TET1: variants seen among roughly 807,000 people sequenced by gnomAD.
TET1 encodes the protein tet methylcytosine dioxygenase 1.
In TET1, 13 loss-of-function variants were observed where a neutral mutation model predicts 148.7. The ratio of observed to expected loss-of-function variants is 0.09; its 90% CI spans 0.06 to 0.14. TET1 has a LOEUF of 0.14. Among genes scored for constraint, TET1 ranks in the 10% least tolerant of loss-of-function variants. The pLI, the probability that TET1 is intolerant of heterozygous loss-of-function variation, is 1.00. For synonymous variants in TET1, 907 were observed against 937.2 expected (o/e 0.97, Z 0.59); for missense variants, 2,182 against 2,553.8 (o/e 0.85, Z 3.14).
At position 68,645,087 on chromosome 10, in the gene TET1, G is replaced by A. The variant is rs1472082373; in HGVS notation, c.2358G>A (p.Leu786=). Residue 786 remains leucine (L), a synonymous_variant, in exon 4 of 12, where the codon TTG becomes TTA. Coordinates refer to ENST00000373644, the MANE Select transcript of TET1 (RefSeq NM_030625.3). ...KFNIEEFGKT[L]ENNSYKFLKD... ...ATATTGAAGAATTCGGCAAGACATT[G>A]GAAAACAATTCTTATAAATTCCTAA... is the stretch of plus-strand genomic sequence containing the variant. 1.9e-6 allele frequency: 3 copies of A among 1,611,790 alleles called. No individual in the cohort carries two copies. The highest frequency in any genetic ancestry group is 1.7e-6 in the Non-Finnish European group (2 of 1,179,348).
chr10:68,628,177 T>TGTTA (rs1212256107), intron 3 of TET1, among the ~76,000 whole-genome samples: 1 of 152,094 alleles, frequency 6.6e-6, no homozygotes, highest in African/African-American at 2.4e-5. Flanking sequence ...CAACTCCTGA[T>TGTTA]GTTAGGTGAT....
At chr10:68,682,785 A>G (rs1317681993) in intron 9 of TET1, 51 bp from the exon 10 acceptor site, 6 of 1,560,864 alleles carry the variant, frequency 3.8e-6, no homozygotes, top group Admixed American at 2.1e-5. Context: ...TACTGAAGGT[A>G]GGTGATTTCC....
chr10:68,691,491 A>G lies in TET1; in HGVS notation c.6088A>G (p.Thr2030Ala). ...GTGTGCCCGGCGAGAGCTGCACGCT[A>G]CCACTCCTGTTGAGCACCCCAACCG... ...IECARRELHA[T>A]TPVEHPNRNH... The change falls in exon 12 of 12, where the codon ACC becomes GCC. Residue 2030 changes from threonine (T) to alanine (A), a missense_variant. Thr to Ala is a moderately conservative substitution (Grantham distance 58, BLOSUM62 0). Coordinates refer to ENST00000373644, the MANE Select transcript of TET1 (RefSeq NM_030625.3). The surrounding 1 kb of genome is among the most constrained non-coding windows in gnomAD (Gnocchi z 4.4). 1 of 1,613,948 alleles carries G rather than the reference A, an allele frequency of 6.2e-7. No individual in the cohort carries two copies. The highest frequency in any genetic ancestry group is 8.5e-7 in the Non-Finnish European group (1 of 1,179,978).
In TET1 at chr10:68,654,562, G is replaced by A. The variant is rs370469743; in HGVS notation, c.4461+1968G>A. Among the ~76,000 whole-genome samples, 126 of 152,086 alleles carry A rather than the reference G, an allele frequency of 8.3e-4. 2 individuals are homozygous for A. In the South Asian group the frequency reaches 0.012, roughly 15 times the overall value. The stretch of plus-strand genomic sequence containing the variant: ...AACCCCCGAGGTGGAGGTTGCAGTG[G>A]GCCTAGATCGTGCCTCTGCACTCCA... On this transcript the variant is annotated intron_variant, in intron 6 of 11. Transcript: ENST00000373644.
At chr10:68,624,127 C>A (rs1486610749) in intron 3 of TET1, among the ~76,000 whole-genome samples, 3 of 144,402 alleles carry the variant, frequency 2.1e-5, no homozygotes, top group African/African-American at 7.6e-5. Context: ...AATGGAGTCT[C>A]GATCTGTTGC....
intron 3 of TET1, among the ~76,000 whole-genome samples, chr10:68,626,589 T>G (rs1476719410): frequency 1.3e-5 from 2 of 152,066 alleles, no homozygotes; most frequent in African/African-American, 4.8e-5. Flanking sequence ...TCTCACTCTG[T>G]CACCAGGCTG....
At position 68,646,976 on chromosome 10, in the gene TET1, A is replaced by G; in HGVS notation, c.4247A>G (p.Asp1416Gly). Reference sequence around the variant, plus strand: ...AAAAACCTAGTGTCTATAACTAAAGATTCTGAACTGCCCACCTGCAGCTGT... The same window carrying G: ...AAAAACCTAGTGTCTATAACTAAAGGTTCTGAACTGCCCACCTGCAGCTGT... ...PTKNLVSITK[D>G]SELPTCSCLD... Residue 1416 changes from aspartate (D) to glycine (G), a missense_variant, in exon 4 of 12, where the codon GAT becomes GGT. Asp to Gly is a moderately conservative substitution (Grantham distance 94, BLOSUM62 -1). This residue lies in a region of TET1 where 169 missense variants were observed against 263.7 expected (regional missense o/e 0.64). Transcript: ENST00000373644. The G allele has an allele frequency of 6.2e-7, 1 of 1,613,342 alleles. No individual in the cohort carries two copies. Among genetic ancestry groups the G allele is most frequent in the Non-Finnish European group, 8.5e-7 (1 of 1,179,648 alleles).
intron 6 of TET1, among the ~76,000 whole-genome samples, chr10:68,661,021 T>TTTTTTG (rs1251851027): frequency 8.6e-5 from 13 of 151,164 alleles, no homozygotes; most frequent in South Asian, 2.1e-4. Flanking sequence ...ATATTAGTTG[T>TTTTTTG]TTTTTGTTTT....
intron 3 of TET1, among the ~76,000 whole-genome samples, chr10:68,624,726 CTTCTTTCTTTCTTTCT>C (rs1230724828): frequency 8.6e-6 from 1 of 116,120 alleles, no homozygotes; most frequent in Non-Finnish European, 1.8e-5. Context: ...TCTTTCTTTC[CTTCTTTCTTTCTTTCT>C]TTTTTTTGAG....
Position 68,686,363 on chromosome 10 carries a change from C to G in TET1, c.5060C>G (p.Thr1687Ser), listed in dbSNP as rs760480014. The G allele has an allele frequency of 6.1e-5, 98 of 1,602,738 alleles. No homozygotes were observed. Among genetic ancestry groups the G allele is most frequent in the Non-Finnish European group, 8.0e-5 (94 of 1,173,378 alleles). The part of the protein sequence containing the change: ...NMNNGSTVVC[T>S]LTREDNRSLG... ...TGTTTTTCTCCCTATCAGGTTTGTA[C>G]CTTAACTCGAGAAGATAACCGCTCT... is the stretch of plus-strand genomic sequence containing the variant. Residue 1687 changes from threonine (T) to serine (S), a missense_variant, in exon 11 of 12, where the codon ACC becomes AGC. Thr to Ser is a moderately conservative substitution (Grantham distance 58). Coordinates refer to ENST00000373644, the MANE Select transcript of TET1 (RefSeq NM_030625.3).
At chr10:68,578,812 G>A (rs1287432821) in intron 2 of TET1, among the ~76,000 whole-genome samples, 2 of 151,964 alleles carry the variant, frequency 1.3e-5, no homozygotes, top group Non-Finnish European at 2.9e-5. Context: ...TTGGGGTGCT[G>A]GGATTGTAGG....
At chr10:68,593,780 T>A (rs2053946621) in intron 2 of TET1, among the ~76,000 whole-genome samples, 1 of 151,548 alleles carries the variant, frequency 6.6e-6, no homozygotes, top group Non-Finnish European at 1.5e-5. Context: ...GCCCAGCTAA[T>A]TTTTTGTATT....
chr10:68,570,708 C>G (rs1181213142), intron 1 of TET1, among the ~76,000 whole-genome samples: 1 of 151,660 alleles, frequency 6.6e-6, no homozygotes, highest in Admixed American at 6.6e-5. Context: ...TGGCTCACTT[C>G]AAGCTCCGCC....
rs1402287859 is a variant in TET1 at position 68,645,799 on chromosome 10, G to A, written c.3070G>A (p.Gly1024Arg). The A allele has an allele frequency of 1.2e-6, 2 of 1,613,954 alleles. No individual in the cohort carries two copies. The highest frequency in any genetic ancestry group is 3.3e-5 in the Admixed American group (2 of 59,982). The change falls in exon 4 of 12, where the codon GGG becomes AGG. Residue 1024 changes from glycine to arginine, a missense_variant. By Grantham distance (125) the Gly-to-Arg change is moderately radical. Coordinates refer to ENST00000373644, the MANE Select transcript of TET1 (RefSeq NM_030625.3). ...TGACACCAATAAAAGTATTGCTCAAGGGATAATTACTCTTGACAATTGTTC... is the reference window on the plus strand; with the variant it reads ...TGACACCAATAAAAGTATTGCTCAAAGGATAATTACTCTTGACAATTGTTC... ...KIDTNKSIAQGIITLDNCSND... is the reference protein window; with the variant it reads ...KIDTNKSIAQRIITLDNCSND...
intron 2 of TET1, among the ~76,000 whole-genome samples, chr10:68,588,686 A>G (rs910967809): frequency 2.0e-5 from 3 of 152,220 alleles, no homozygotes; most frequent in Non-Finnish European, 4.4e-5. Context: ...AAATGTTAAC[A>G]TGATTTAAAT....
At chr10:68,682,806 T>A (rs1223096850) in intron 9 of TET1, 30 bp from the exon 10 acceptor site, 2 of 1,604,688 alleles carry the variant, frequency 1.2e-6, no homozygotes, top group South Asian at 2.2e-5. Flanking sequence ...TTCTCTCTCT[T>A]AAGATTGTGC....
chr10:68,674,945 TGTTAGATAA>T, intron 8 of TET1: 1 of 373,012 alleles, frequency 2.7e-6, no homozygotes, highest in Non-Finnish European at 5.0e-6. Context: ...ATGATGTCTT[TGTTAGATAA>T]GTTAAAATGC....
chr10:68,630,364 G>A (rs1434409585), intron 3 of TET1, among the ~76,000 whole-genome samples: 2 of 152,088 alleles, frequency 1.3e-5, no homozygotes, highest in Non-Finnish European at 2.9e-5. Flanking sequence ...CAGGCTGGAG[G>A]GCAGTGGTGC....
chr10:68,674,205 A>G (rs2133200205), intron 8 of TET1, among the ~76,000 whole-genome samples: 1 of 151,816 alleles, frequency 6.6e-6, no homozygotes, highest in Middle Eastern at 3.4e-3. Context: ...CTCAGGTGAG[A>G]TCTGTAGTCC....
Sources: allele counts gnomAD v4.1 joint callset (sites outside exome capture counted in the v4.1 genomes callset), GRCh38; gene constraint gnomAD v4.1.1; regional missense constraint gnomAD v4.1.1; non-coding constraint Gnocchi (gnomAD v3.1); transcripts MANE v1.5; gene names NCBI Gene and HGNC (gene_info 2026-07-23, HGNC 2026-07-21).